Variants in ZFAND3 observed in about 807,000 individuals in gnomAD.
The protein encoded by ZFAND3 is zinc finger AN1-type containing 3, also known as AN1-type zinc finger protein 3.
A neutral mutation model predicts 29.6 loss-of-function variants in ZFAND3; 10 were observed. The ratio of observed to expected loss-of-function variants is 0.34; its 90% CI spans 0.21 to 0.57. The LOEUF (loss-of-function observed/expected upper bound fraction) is 0.57. Ranked by LOEUF, ZFAND3 falls within the 20% of genes least tolerant of loss-of-function variation. ZFAND3 has a pLI of 0.86. For synonymous variants in ZFAND3, 128 were observed against 112.6 expected (o/e 1.14, Z -0.87); for missense variants, 230 against 304.5 (o/e 0.76, Z 1.82).
At chr6:37,914,668 T>C (rs1273198980) in intron 1 of ZFAND3, among the ~76,000 whole-genome samples, 1,431 of 110,862 alleles carry the variant, frequency 0.013, 38 homozygotes, top group African/African-American at 0.051. Context: ...CTTTCTTTTT[T>C]TTTCTTTTTT....
At chr6:37,885,193 A>C (rs1276456194) in intron 1 of ZFAND3, among the ~76,000 whole-genome samples, 3 of 152,142 alleles carry the variant, frequency 2.0e-5, no homozygotes, top group African/African-American at 7.2e-5. Flanking sequence ...AAGATTGGGA[A>C]AAAAGGGGTG....
At chr6:37,993,087 A>G (rs539157004) in intron 2 of ZFAND3, among the ~76,000 whole-genome samples, 1 of 152,296 alleles carries the variant, frequency 6.6e-6, no homozygotes, top group African/African-American at 2.4e-5. Flanking sequence ...CATTGTACAC[A>G]TACATTTTTC....
chr6:38,129,839 T>C, intron 5 of ZFAND3, among the ~76,000 whole-genome samples: 1 of 152,078 alleles, frequency 6.6e-6, no homozygotes, highest in East Asian at 1.9e-4. Context: ...AGGATTGTTT[T>C]TTCTAGTTCT....
chr6:37,823,138 T>G (rs1349203029), intron 1 of ZFAND3, among the ~76,000 whole-genome samples: 1 of 152,178 alleles, frequency 6.6e-6, no homozygotes, highest in Non-Finnish European at 1.5e-5. Context: ...TGTATGAATG[T>G]GATATACGTG....
intron 2 of ZFAND3, among the ~76,000 whole-genome samples, chr6:37,942,085 T>A (rs190611586): frequency 1.3e-5 from 2 of 152,252 alleles, no homozygotes; most frequent in East Asian, 3.9e-4. Flanking sequence ...CTGAATGTAA[T>A]GGGCTGTGTG....
chr6:38,020,401 T>C (rs1763327546), intron 2 of ZFAND3, among the ~76,000 whole-genome samples: 2 of 152,148 alleles, frequency 1.3e-5, no homozygotes, highest in Admixed American at 6.5e-5. Flanking sequence ...AAAAAACATG[T>C]TTCAAATTAT....
chr6:37,996,079 A>G (rs1242456066), intron 2 of ZFAND3, among the ~76,000 whole-genome samples: 1 of 151,358 alleles, frequency 6.6e-6, no homozygotes, highest in African/African-American at 2.4e-5. Flanking sequence ...CAGTGAGCCG[A>G]GATCACACCA....
chr6:37,860,472 A>G (rs1022975646), intron 1 of ZFAND3, among the ~76,000 whole-genome samples: 18 of 152,118 alleles, frequency 1.2e-4, no homozygotes, highest in African/African-American at 4.3e-4. Context: ...TAGGAAAAGC[A>G]GAATCCTAAT....
chr6:38,135,542 C>A (rs952714090), intron 5 of ZFAND3, among the ~76,000 whole-genome samples: 1 of 152,042 alleles, frequency 6.6e-6, no homozygotes, highest in African/African-American at 2.4e-5. Flanking sequence ...GTCAGGAGTT[C>A]GAGACAAACC....
At chr6:38,084,577 T>A (rs886273515) in intron 4 of ZFAND3, among the ~76,000 whole-genome samples, 1 of 152,224 alleles carries the variant, frequency 6.6e-6, no homozygotes. Context: ...TGGCATTCTT[T>A]GCTGTACTCA....
chr6:37,922,187 C>T (rs1761394246), intron 1 of ZFAND3, among the ~76,000 whole-genome samples: 1 of 152,056 alleles, frequency 6.6e-6, no homozygotes, highest in Admixed American at 6.6e-5. Flanking sequence ...TATACTTTTT[C>T]ATCTAGTAAG....
At chr6:38,110,770 C>T (rs56140804) in intron 4 of ZFAND3, among the ~76,000 whole-genome samples, 44,839 of 152,074 alleles carry the variant, frequency 0.29, 7,348 homozygotes, top group Non-Finnish European at 0.38. Flanking sequence ...GCTTTCTTCT[C>T]TTTGTTGCCG....
At chr6:37,954,376 T>G (rs1186892680) in intron 2 of ZFAND3, among the ~76,000 whole-genome samples, 1 of 152,198 alleles carries the variant, frequency 6.6e-6, no homozygotes, top group African/African-American at 2.4e-5. Flanking sequence ...TATTTTTTTC[T>G]TGTTTCTCTG....
chr6:38,024,600 A>T lies in ZFAND3; in HGVS notation c.113-36993A>T, dbSNP rs569585147. On this transcript the variant is annotated intron_variant, in intron 2 of 5. Transcript: ENST00000287218. ...ATTAAATAAATGGTGGTATATCCAT[A>T]CAGTGGAATATTACTCTGCCATGAA... Among the ~76,000 whole-genome samples, 4 of 152,350 alleles carry T rather than the reference A, an allele frequency of 2.6e-5. No individual in the cohort carries two copies. In the East Asian group the frequency reaches 7.7e-4, roughly 29 times the overall value.
At chr6:38,103,756 T>G (rs376248727) in intron 4 of ZFAND3, among the ~76,000 whole-genome samples, 3 of 152,326 alleles carry the variant, frequency 2.0e-5, no homozygotes, top group South Asian at 4.1e-4. Context: ...TTAGGGGACT[T>G]GGGCATGTGG....
chr6:37,979,311 G>T (rs1486835645), intron 2 of ZFAND3, among the ~76,000 whole-genome samples: 1 of 151,962 alleles, frequency 6.6e-6, no homozygotes, highest in African/African-American at 2.4e-5. Flanking sequence ...TTTCATGGTG[G>T]GTCAAGTTTT....
intron 1 of ZFAND3, among the ~76,000 whole-genome samples, chr6:37,918,167 C>T (rs1317489292): frequency 6.6e-6 from 1 of 151,204 alleles, no homozygotes; most frequent in Non-Finnish European, 1.5e-5. Flanking sequence ...AGCTCTGCCT[C>T]ACGGGTTCAC....
intron 1 of ZFAND3, among the ~76,000 whole-genome samples, chr6:37,827,877 A>C (rs1380202912): frequency 6.6e-6 from 1 of 152,194 alleles, no homozygotes; most frequent in African/African-American, 2.4e-5. Flanking sequence ...CTGGCCTTGG[A>C]TGGAAGAGGA....
At chr6:37,834,377 A>G (rs1763924238) in intron 1 of ZFAND3, among the ~76,000 whole-genome samples, 1 of 152,176 alleles carries the variant, frequency 6.6e-6, no homozygotes, top group South Asian at 2.1e-4. Flanking sequence ...TCTGAATTAT[A>G]CTACAGTTTA....
Sources: allele counts gnomAD v4.1 joint callset (sites outside exome capture counted in the v4.1 genomes callset), GRCh38; gene constraint gnomAD v4.1.1; transcripts MANE v1.5; gene names NCBI Gene and HGNC (gene_info 2026-07-23, HGNC 2026-07-21).